The following LRRN2 variants were observed in gnomAD, a reference collection of about 807,000 sequenced individuals.
LRRN2 encodes the protein leucine-rich repeat neuronal protein 2.
A neutral mutation model predicts 35.7 loss-of-function variants in LRRN2; 10 were observed. The ratio of observed to expected loss-of-function variants is 0.28; its 90% confidence interval spans 0.17 to 0.47. LRRN2 has a LOEUF of 0.47. Ranked by LOEUF, LRRN2 falls within the 20% of genes least tolerant of loss-of-function variation. LRRN2 has a pLI of 0.99. For missense variants in LRRN2, 731 were observed against 940.3 expected (o/e 0.78, Z 2.91); for synonymous variants, 391 against 409.6 (o/e 0.95, Z 0.55).
At position 204,617,993 on chromosome 1, in the gene LRRN2, G is replaced by A. The variant is rs1460633184; in HGVS notation, c.2000C>T (p.Pro667Leu). The change falls in exon 2 of 2, where the codon CCA (proline) becomes CTA (leucine). Residue 667 changes from proline to leucine, a missense_variant. Coordinates refer to ENST00000367177, the MANE Select transcript of LRRN2 (RefSeq NM_201630.2). ...ACTCCAGCCCCAGAAAGCCCAGGCT[G>A]GAGGGAGAGGCCGCCTCCCACCCAC... ...KGVGGRRPLPPAWAFWGWSAP... is the reference protein window; with the variant it reads ...KGVGGRRPLPLAWAFWGWSAP... 1.2e-6 allele frequency: 2 copies of A among 1,613,372 alleles called. No individual in the cohort carries two copies. The highest frequency in any genetic ancestry group is 1.7e-6 in the Non-Finnish European group (2 of 1,179,700).
chr1:204,678,015 C>T (rs1204861080), intron 1 of LRRN2, among the ~76,000 whole-genome samples: 2 of 152,076 alleles, frequency 1.3e-5, no homozygotes, highest in Non-Finnish European at 2.9e-5. Flanking sequence ...GTTCTCCGTG[C>T]GAGAATCCTT....
chr1:204,617,546 C>A lies in LRRN2; in HGVS notation c.*305G>T. 1 of 383,232 alleles carries A rather than the reference C, an allele frequency of 2.6e-6. No homozygotes were observed. Among genetic ancestry groups the A allele is most frequent in the Non-Finnish European group, 4.8e-6 (1 of 209,814 alleles). 23.7% of individuals were successfully genotyped at this position (383,232 alleles called of 1,614,324 possible). ...GGACACAGGTAGGGGACAGCCAAGC[C>A]AGGCCCAGGAGCCTCTGGGCAGAGA... On this transcript the variant is annotated 3_prime_UTR_variant, in exon 2 of 2. Transcript: ENST00000367177.
intron 1 of LRRN2, among the ~76,000 whole-genome samples, chr1:204,674,031 G>A (rs1265533951): frequency 6.6e-6 from 1 of 152,138 alleles, no homozygotes; most frequent in African/African-American, 2.4e-5. Context: ...TGCCACGTTT[G>A]AATGCGGCTG....
At chr1:204,684,335 C>T (rs928249453) in intron 1 of LRRN2, among the ~76,000 whole-genome samples, 2 of 152,182 alleles carry the variant, frequency 1.3e-5, no homozygotes, top group African/African-American at 4.8e-5. Flanking sequence ...GCTGCGTTGG[C>T]TCCAACAGAT....
intron 1 of LRRN2, among the ~76,000 whole-genome samples, chr1:204,667,943 C>T (rs993300930): frequency 3.9e-5 from 6 of 152,154 alleles, no homozygotes; most frequent in Admixed American, 3.3e-4. Context: ...AGAGCTCGCA[C>T]GTTATCCTCC....
rs1281569625 is a variant in LRRN2, at chr1:204,617,564, G to A, written c.*287C>T. On this transcript the variant is annotated 3_prime_UTR_variant, in exon 2 of 2. Transcript: ENST00000367177. ...GCCAAGCCAGGCCCAGGAGCCTCTG[G>A]GCAGAGAGAAGATGGGGAGGCAGGA... 1 of 429,476 alleles carries A rather than the reference G, an allele frequency of 2.3e-6. No individual in the cohort carries two copies. The highest frequency in any genetic ancestry group is 5.0e-5 in the East Asian group (1 of 20,074). The allele number at this position is 429,476 out of a possible 1,614,324, so 26.6% of individuals were successfully genotyped here. A position where few individuals can be genotyped will look rare whatever the true frequency, so the allele number is the denominator to read the frequency against.
Position 204,652,271 on chromosome 1 carries a change from G to GCCCCCCCGCC in LRRN2, c.-226-32063_-226-32054dup, listed in dbSNP as rs1301402688. Among the ~76,000 whole-genome samples, 666 of 70,556 alleles carry GCCCCCCCGCC rather than the reference G, an allele frequency of 9.4e-3. 13 individuals carry two copies. The East Asian group carries it at 0.13, about 13-fold the overall frequency. The allele number at this position is 70,556 out of a possible 152,430, so 46.3% of individuals were successfully genotyped here. ...CTCTCCTCTTCACCGCCCCCCCCCC[G>GCCCCCCCGCC]CCCCCCCGCCGCCTTCCTCCTTGCC... is the stretch of plus-strand genomic sequence containing the variant. On this transcript the variant is annotated intron_variant, in intron 1 of 1. Transcript: ENST00000367177.
intron 1 of LRRN2, among the ~76,000 whole-genome samples, chr1:204,678,061 C>G (rs949580555): frequency 2.6e-5 from 4 of 152,154 alleles, no homozygotes; most frequent in Non-Finnish European, 5.9e-5. Context: ...ATTTTCCAAG[C>G]CTAAATCAGC....
At chr1:204,653,554 A>C (rs1668279183) in intron 1 of LRRN2, among the ~76,000 whole-genome samples, 1 of 152,156 alleles carries the variant, frequency 6.6e-6, no homozygotes, top group African/African-American at 2.4e-5. Flanking sequence ...TCATTTATAA[A>C]TGGGAATCTA....
At chr1:204,671,411 G>GTGTT (rs2102240070) in intron 1 of LRRN2, among the ~76,000 whole-genome samples, 1 of 149,236 alleles carries the variant, frequency 6.7e-6, no homozygotes, top group Non-Finnish European at 1.5e-5. Flanking sequence ...GTTTGTGTGT[G>GTGTT]TGTGTGTGTG....
chr1:204,656,756 G>T (rs1316512624), intron 1 of LRRN2, among the ~76,000 whole-genome samples: 1 of 152,166 alleles, frequency 6.6e-6, no homozygotes, highest in East Asian at 1.9e-4. Context: ...CTATCCTAAA[G>T]CCTGTCTTTT....
At chr1:204,664,772 T>C (rs1281219443) in intron 1 of LRRN2, among the ~76,000 whole-genome samples, 1 of 152,186 alleles carries the variant, frequency 6.6e-6, no homozygotes, top group African/African-American at 2.4e-5. Flanking sequence ...ACCAACTTCC[T>C]TCTTGGAAGT....
intron 1 of LRRN2, chr1:204,627,322 T>G (rs1023777856): frequency 6.6e-6 from 1 of 152,244 alleles, no homozygotes; most frequent in African/African-American, 2.4e-5. Flanking sequence ...AGCGCTCGCC[T>G]GACCTCCAGG....
Position 204,619,229 on chromosome 1 carries a change from C to T in LRRN2, c.764G>A (p.Arg255Gln), listed in dbSNP as rs148534265. The T allele has an allele frequency of 3.3e-5, 53 of 1,613,930 alleles. No individual in the cohort carries two copies. The highest frequency in any genetic ancestry group is 1.6e-4 in the Middle Eastern group (1 of 6,082). The change falls in exon 2 of 2, where the codon CGG (arginine) becomes CAG (glutamine). Residue 255 changes from arginine to glutamine, a missense_variant. By Grantham distance (43) the Arg-to-Gln change is conservative (BLOSUM62 1). Coordinates refer to ENST00000367177, the MANE Select transcript of LRRN2 (RefSeq NM_201630.2). ...YDNQLARVPR[R>Q]ALEQVPGLKF... The stretch of plus-strand genomic sequence containing the variant: ...GAGCCCGGGCACCTGTTCCAGTGCC[C>T]GCCTGGGCACCCGGGCCAGCTGGTT...
At chr1:204,637,136 T>C (rs1048417097) in intron 1 of LRRN2, among the ~76,000 whole-genome samples, 2 of 152,192 alleles carry the variant, frequency 1.3e-5, no homozygotes, top group African/African-American at 4.8e-5. Flanking sequence ...CTGTGCGGTA[T>C]GTTGGAATTT....
intron 1 of LRRN2, among the ~76,000 whole-genome samples, chr1:204,638,190 C>T (rs1056868057): frequency 6.6e-6 from 1 of 150,474 alleles, no homozygotes; most frequent in Non-Finnish European, 1.5e-5. Context: ...TGATCTCACG[C>T]ACTACTGTTC....
Position 204,618,259 on chromosome 1 carries a change from T to C in LRRN2, c.1734A>G (p.Gly578=). 3.1e-6 allele frequency: 5 copies of C among 1,611,612 alleles called. No individual in the cohort carries two copies. The highest frequency in any genetic ancestry group is 4.2e-6 in the Non-Finnish European group (5 of 1,178,602). ...GGCGGGTAATGTTGTAGCTGTGGGTTCCCCGAGGCAGGCGGGCCAGAGCTG... is the reference window on the plus strand; with the variant it reads ...GGCGGGTAATGTTGTAGCTGTGGGTCCCCCGAGGCAGGCGGGCCAGAGCTG... ...GATALARLPR[G]THSYNITRLL... is the part of the protein sequence containing the mutation. The change falls in exon 2 of 2, where the codon GGA becomes GGG. Residue 578 remains glycine, a synonymous_variant. Transcript: ENST00000367177.
At chr1:204,624,894 C>T (rs1475704339) in intron 1 of LRRN2, among the ~76,000 whole-genome samples, 2 of 152,164 alleles carry the variant, frequency 1.3e-5, no homozygotes, top group African/African-American at 2.4e-5. Flanking sequence ...TTGAGTGTAG[C>T]GTTGATAAAC....
Position 204,671,391 on chromosome 1 carries a change from CTGTTTGTG to C in LRRN2, c.-227+13921_-227+13928del, listed in dbSNP as rs1196242538. 2.2e-3 allele frequency among the ~76,000 whole-genome samples: 319 copies of C among 143,360 alleles called. 3 individuals carry two copies. Among genetic ancestry groups the C allele is most frequent in the African/African-American group, 6.5e-3 (245 of 37,692 alleles). The allele number at this position is 143,360 out of a possible 152,430, so 94.0% of individuals were successfully genotyped here. On this transcript the variant is annotated intron_variant, in intron 1 of 1. Coordinates refer to ENST00000367177, the MANE Select transcript of LRRN2 (RefSeq NM_201630.2). ...ATGGTGAGTTTGTAGAAGTAGCAAT[CTGTTTGTG>C]TGTTTGTGTGTGTGTGTGTGTGTGT... is the stretch of plus-strand genomic sequence containing the variant.
Sources: gnomAD v4.1 joint callset for allele counts (sites outside exome capture counted in the v4.1 genomes callset) on GRCh38, gnomAD v4.1.1 for gene constraint, MANE v1.5 for transcripts, NCBI Gene and HGNC (gene_info 2026-07-23, HGNC 2026-07-21) for gene names.